Variants in CXorf66 observed in about 807,000 individuals in gnomAD.
CXorf66 encodes chromosome X open reading frame 66, also known as uncharacterized protein CXorf66.
CXorf66 carries 6 observed loss-of-function variants against 5.0 expected under a neutral mutation model. The ratio of observed to expected loss-of-function variants is 1.20; its 90% confidence interval spans 0.65 to 2.36. The LOEUF is 2.36. Among genes scored for constraint, CXorf66 ranks in the 30% most tolerant of loss-of-function variants. The probability of loss-of-function intolerance (pLI) is 0.00; values close to 1 mark genes in which losing one functional copy is unlikely to be tolerated. For synonymous variants in CXorf66, 98 were observed against 102.8 expected (o/e 0.95, Z 0.28); for missense variants, 270 against 254.9 (o/e 1.06, Z -0.40).
rs745393036 is a variant in CXorf66 at position 139,965,516 on chromosome X, T to G, written c.-20A>C. The G allele has an allele frequency of 1.5e-5, 17 of 1,103,400 alleles. No individual in the cohort carries two copies. The highest frequency in any genetic ancestry group is 2.0e-5 in the Non-Finnish European group (16 of 800,027). The allele number at this position is 1,103,400 out of a possible 1,213,427, so 90.9% of individuals were successfully genotyped here. A position where few individuals can be genotyped will look rare whatever the true frequency, so the allele number is the denominator to read the frequency against. ...ATTCATGTCCGCAACTTGGTTCAAATGATTTGTCTACTAAGGTAACTACTG... is the reference window on the plus strand; with the variant it reads ...ATTCATGTCCGCAACTTGGTTCAAAGGATTTGTCTACTAAGGTAACTACTG... On this transcript the variant is annotated 5_prime_UTR_variant, in exon 1 of 3. Coordinates refer to ENST00000370540, the MANE Select transcript of CXorf66 (RefSeq NM_001013403.3).
chrX:139,964,993 A>T lies in CXorf66; in HGVS notation c.88+416T>A, dbSNP rs772799918. The stretch of plus-strand genomic sequence containing the variant: ...GGCTTAAAACCTAGATAATGGGTTG[A>T]CAGGTGCAGCAAACCACCATGGCAC... On this transcript the variant is annotated intron_variant, in intron 1 of 2. Coordinates refer to ENST00000370540, the MANE Select transcript of CXorf66 (RefSeq NM_001013403.3). Among the ~76,000 whole-genome samples, 16 of 111,382 alleles carry T rather than the reference A, an allele frequency of 1.4e-4. No individual in the cohort carries two copies. The South Asian group carries it at 5.4e-3, about 38-fold the overall frequency.
chrX:139,958,527 C>T (rs909092759), intron 1 of CXorf66, among the ~76,000 whole-genome samples: 10 of 110,667 alleles, frequency 9.0e-5, no homozygotes, highest in African/African-American at 1.6e-4. Flanking sequence ...TGAGTGTTAA[C>T]GTGTGTGTGA....
intron 1 of CXorf66, among the ~76,000 whole-genome samples, chrX:139,958,715 T>C (rs1360861281): frequency 9.1e-6 from 1 of 110,266 alleles, no homozygotes; most frequent in African/African-American, 3.3e-5. Flanking sequence ...CCAGTTCATC[T>C]CACTGGAACT....
intron 2 of CXorf66, 67 bp downstream of exon 2, chrX:139,957,997 A>G (rs2085579745): frequency 9.7e-7 from 1 of 1,035,418 alleles, no homozygotes. Flanking sequence ...CTGAACAACA[A>G]TGAAACCTCC....
At chrX:139,959,480 A>C (rs958530469) in intron 1 of CXorf66, among the ~76,000 whole-genome samples, 1 of 112,432 alleles carries the variant, frequency 8.9e-6, no homozygotes, top group Non-Finnish European at 1.9e-5. Flanking sequence ...GGGTGGCTGT[A>C]GGCACAGTTT....
chrX:139,961,342 A>G (rs1026863236), intron 1 of CXorf66, among the ~76,000 whole-genome samples: 1 of 112,094 alleles, frequency 8.9e-6, no homozygotes, highest in African/African-American at 3.2e-5. Flanking sequence ...CAAGGGCATT[A>G]CATAATGGTA....
intron 2 of CXorf66, 136 bp from the exon 3 acceptor site, chrX:139,956,875 G>A (rs1346524731): frequency 1.8e-5 from 11 of 605,183 alleles, no homozygotes; most frequent in African/African-American, 6.8e-5. Flanking sequence ...AGTAAGAATC[G>A]GAGTGTGACG....
chrX:139,960,945 A>C (rs1221967613), intron 1 of CXorf66, among the ~76,000 whole-genome samples: 1 of 111,823 alleles, frequency 8.9e-6, no homozygotes, highest in Non-Finnish European at 1.9e-5. Flanking sequence ...AAATATAGAA[A>C]GCAAAAACCA....
At chrX:139,962,983 G>A (rs200693720) in intron 1 of CXorf66, among the ~76,000 whole-genome samples, 10 of 108,592 alleles carry the variant, frequency 9.2e-5, no homozygotes, top group South Asian at 3.9e-4. Context: ...ATGGGCAAAA[G>A]CTGGAAGCAT....
At position 139,956,388 on chromosome X, in the gene CXorf66, A is replaced by G; in HGVS notation, c.594T>C (p.Cys198=). The G allele has an allele frequency of 8.3e-7, 1 of 1,211,976 alleles. No homozygotes were observed. Among genetic ancestry groups the G allele is most frequent in the African/African-American group, 1.7e-5 (1 of 57,857 alleles). The change falls in exon 3 of 3, where the codon TGT becomes TGC. Residue 198 remains cysteine (C), a synonymous_variant. Coordinates refer to ENST00000370540, the MANE Select transcript of CXorf66 (RefSeq NM_001013403.3). ...LEKLCKLDYA[C]KLASSDKPVR... is the part of the protein sequence containing the mutation. ...CTGGCTTATCTGAACTGGCTAGCTTACACGCATAGTCTAGCTTACATAATT... is the reference window on the plus strand; with the variant it reads ...CTGGCTTATCTGAACTGGCTAGCTTGCACGCATAGTCTAGCTTACATAATT...
intron 1 of CXorf66, among the ~76,000 whole-genome samples, chrX:139,963,700 G>C (rs1926626718): frequency 1.2e-5 from 1 of 86,552 alleles, no homozygotes. Flanking sequence ...GTATGGTGCT[G>C]GTACCAAAAC....
chrX:139,959,411 C>G (rs1344184701), intron 1 of CXorf66, among the ~76,000 whole-genome samples: 2 of 112,133 alleles, frequency 1.8e-5, no homozygotes, highest in Non-Finnish European at 3.8e-5. Context: ...GGCAACAGCC[C>G]CAGTCAGGGG....
In CXorf66 at chrX:139,965,471, A is replaced by C; in HGVS notation, c.26T>G (p.Leu9Arg). Residue 9 changes from leucine to arginine, a missense_variant, in exon 1 of 3, where the codon CTT becomes CGT. Physicochemically the swap from Leu to Arg is moderately radical, Grantham distance 102. Transcript: ENST00000370540. Reference protein sequence around the residue: MNLVICVLLLSIWKNNCMT... With the variant: MNLVICVLRLSIWKNNCMT... Reference sequence around the variant, plus strand: ...GCAATTATTTTTCCAAATGGACAAAAGTAGGACACAAATAACAAGATTCAT... The same window carrying C: ...GCAATTATTTTTCCAAATGGACAAACGTAGGACACAAATAACAAGATTCAT... 8.3e-7 allele frequency: 1 copy of C among 1,206,355 alleles called. No individual in the cohort carries two copies. Among genetic ancestry groups the C allele is most frequent in the South Asian group, 1.8e-5 (1 of 56,811 alleles).
chrX:139,959,601 G>A (rs1218318782), intron 1 of CXorf66, among the ~76,000 whole-genome samples: 2 of 112,388 alleles, frequency 1.8e-5, no homozygotes, highest in Non-Finnish European at 3.8e-5. Context: ...CCTCAAGTGG[G>A]TCCCTGACTC....
chrX:139,961,702 G>A (rs939984381), intron 1 of CXorf66, among the ~76,000 whole-genome samples: 6 of 111,737 alleles, frequency 5.4e-5, no homozygotes, highest in African/African-American at 1.6e-4. Context: ...GCAAAAGAAC[G>A]GAAATCATAA....
At chrX:139,962,579 G>A (rs980604011) in intron 1 of CXorf66, among the ~76,000 whole-genome samples, 1 of 111,208 alleles carries the variant, frequency 9.0e-6, no homozygotes, top group Non-Finnish European at 1.9e-5. Context: ...TTATGAGGCC[G>A]GCGTCATCCT....
chrX:139,962,081 C>T (rs573438219), intron 1 of CXorf66, among the ~76,000 whole-genome samples: 45 of 111,106 alleles, frequency 4.1e-4, no homozygotes, highest in Middle Eastern at 9.2e-3. Context: ...CAGAGCAGAA[C>T]TGAAGGAGAT....
At position 139,956,248 on chromosome X, in the gene CXorf66, G is replaced by A; in HGVS notation, c.734C>T (p.Pro245Leu). 8.3e-7 allele frequency: 1 copy of A among 1,211,650 alleles called. No individual in the cohort carries two copies. ...ELAKPPKHFNPKRSVSLGRAA... is the reference protein window; with the variant it reads ...ELAKPPKHFNLKRSVSLGRAA... ...CCTGCCTAGACTCACTGACCTTTTT[G>A]GATTAAAATGTTTGGGAGGCTTAGC... The change falls in exon 3 of 3, where the codon CCA becomes CTA. Residue 245 changes from proline (P) to leucine (L), a missense_variant. Transcript: ENST00000370540.
At chrX:139,959,874 A>G (rs1176636281) in intron 1 of CXorf66, among the ~76,000 whole-genome samples, 1 of 111,861 alleles carries the variant, frequency 8.9e-6, no homozygotes, top group African/African-American at 3.2e-5. Context: ...AAGCAATAAT[A>G]TCAACATCAA....
Sources: gnomAD v4.1 joint callset for allele counts (sites outside exome capture counted in the v4.1 genomes callset) on GRCh38, gnomAD v4.1.1 for gene constraint, MANE v1.5 for transcripts, NCBI Gene and HGNC (gene_info 2026-07-23, HGNC 2026-07-21) for gene names.